Variants in DCUN1D2 observed in about 807,000 individuals in gnomAD.
The protein encoded by DCUN1D2 is defective in cullin neddylation 1 domain containing 2, also known as DCN1-like protein 2.
In DCUN1D2, 29 loss-of-function variants were observed where a neutral mutation model predicts 30.9. The ratio of observed to expected loss-of-function variants is 0.94; its 90% CI spans 0.70 to 1.28. The LOEUF (loss-of-function observed/expected upper bound fraction) is 1.28, where lower values mean the gene tolerates loss of function less well. DCUN1D2 is among the 50% of genes most tolerant of loss of function. DCUN1D2 has a pLI of 0.00. For synonymous variants in DCUN1D2, 121 were observed against 115.3 expected, an observed-to-expected ratio of 1.05 and a Z score of -0.32; for missense variants, 325 against 316.9, an observed-to-expected ratio of 1.03 and a Z score of -0.19.
chr13:113,458,581 C>T lies in DCUN1D2; in HGVS notation c.701-473G>A, dbSNP rs1410696522. Among the ~76,000 whole-genome samples, 4 of 152,228 alleles carry T rather than the reference C, an allele frequency of 2.6e-5. No individual in the cohort carries two copies. In the South Asian group the frequency reaches 6.2e-4, roughly 24 times the overall value. ...GCACTGCTGCCTCAATCCTGGAAGC[C>T]GCGCTTCTGTCAATGAGATTCAGTG... On this transcript the variant is annotated intron_variant, in intron 6 of 6. Transcript: ENST00000478244.
chr13:113,462,408 G>A (rs1043881685), intron 4 of DCUN1D2, among the ~76,000 whole-genome samples: 36 of 152,214 alleles, frequency 2.4e-4, no homozygotes, highest in African/African-American at 7.2e-4. Flanking sequence ...ATTAATAAAA[G>A]TTAGGTAATA....
At chr13:113,469,267 C>T (rs2044463458) in intron 4 of DCUN1D2, among the ~76,000 whole-genome samples, 1 of 152,084 alleles carries the variant, frequency 6.6e-6, no homozygotes, top group African/African-American at 2.4e-5. Flanking sequence ...AAATGAGCAA[C>T]AGAACAGCCC....
rs532648868 is a variant in DCUN1D2 at position 113,483,907 on chromosome 13, G to C, written c.153C>G (p.Leu51=). 26 of 1,613,922 alleles carry C rather than the reference G, an allele frequency of 1.6e-5. No individual in the cohort carries two copies. In the South Asian group the frequency reaches 2.7e-4, roughly 17 times the overall value. Residue 51 remains leucine (L), a synonymous_variant, in exon 2 of 7, where the codon CTC becomes CTG. Coordinates refer to ENST00000478244, the MANE Select transcript of DCUN1D2 (RefSeq NM_001014283.2). ...TDSFFQNPDS[L]HRESMRNAVD... is the part of the protein sequence containing the mutation. The stretch of plus-strand genomic sequence containing the variant: ...CAGCGTTCCGCATGGACTCCCTGTG[G>C]AGCGAGTCTGGGTTTTGGAAGAAGC...
chr13:113,489,541 A>C (rs147031064), intron 1 of DCUN1D2, among the ~76,000 whole-genome samples: 68 of 151,998 alleles, frequency 4.5e-4, no homozygotes, highest in Non-Finnish European at 9.1e-4. Flanking sequence ...TTCTCCTACC[A>C]GCCCCCTCTC....
At chr13:113,460,500 G>A (rs1168212714) in intron 5 of DCUN1D2, among the ~76,000 whole-genome samples, 2 of 152,262 alleles carry the variant, frequency 1.3e-5, no homozygotes, top group South Asian at 2.1e-4. Context: ...GGGCTGGCAT[G>A]ACGCAGCCTT....
rs775846408 is a variant in DCUN1D2, at chr13:113,461,078, T to C, written c.579A>G (p.Leu193=). The C allele has an allele frequency of 3.7e-6, 6 of 1,610,400 alleles. No homozygotes were observed. The highest frequency in any genetic ancestry group is 4.5e-5 in the East Asian group (2 of 44,826). The stretch of plus-strand genomic sequence containing the variant: ...CCATTAAGAATGTGTTCCAGAGATC[T>C]AAAAATTTAAACCTTCCAGATAACA... The part of the protein sequence containing the change: ...KLVLSGRFKF[L]DLWNTFLMEH... Residue 193 remains leucine, a synonymous_variant, in exon 5 of 7, where the codon TTA becomes TTG. Transcript: ENST00000478244.
chr13:113,468,665 G>A (rs2044449668), intron 4 of DCUN1D2, among the ~76,000 whole-genome samples: 1 of 152,016 alleles, frequency 6.6e-6, no homozygotes, highest in Non-Finnish European at 1.5e-5. Flanking sequence ...GGGGGCGGGG[G>A]AGGGCCCTGG....
chr13:113,467,239 C>G (rs930115911), intron 4 of DCUN1D2, among the ~76,000 whole-genome samples: 3 of 152,056 alleles, frequency 2.0e-5, no homozygotes, highest in Admixed American at 6.5e-5. Context: ...CAGAGGAGCC[C>G]GTTTACTGTA....
rs185215240 is a variant in DCUN1D2 at position 113,486,697 on chromosome 13, C to T, written c.4-2641G>A. Among the ~76,000 whole-genome samples the T allele has an allele frequency of 2.1e-4, 32 of 152,296 alleles. 1 individual carries two copies. The East Asian group carries it at 5.8e-3, about 28-fold the overall frequency. ...CAGGAAAACATATATGGCCCTCACA[C>T]GTGCAGGCAGCTTTGCATAAAATTT... On this transcript the variant is annotated intron_variant, in intron 1 of 6. Transcript: ENST00000478244.
At position 113,459,782 on chromosome 13, in the gene DCUN1D2, CAT is replaced by C. The variant is rs146126080; in HGVS notation, c.604-376_604-375del. 3.6e-3 allele frequency among the ~76,000 whole-genome samples: 542 copies of C among 152,346 alleles called. 3 individuals carry two copies. The highest frequency in any genetic ancestry group is 6.1e-3 in the African/African-American group (254 of 41,578). The stretch of plus-strand genomic sequence containing the variant: ...AAACATTAACTGCTATCAAATTACA[CAT>C]AGTTTTCTGCAACTTGTTTTTTTCC... On this transcript the variant is annotated intron_variant, in intron 5 of 6. Coordinates refer to ENST00000478244, the MANE Select transcript of DCUN1D2 (RefSeq NM_001014283.2).
chr13:113,459,195 G>A, intron 6 of DCUN1D2, 117 bp downstream of exon 6: 1 of 644,358 alleles, frequency 1.6e-6, no homozygotes, highest in African/African-American at 1.8e-5. Context: ...TAAGGAAGGG[G>A]GTAGTATTAT....
rs1282128518 is a variant in DCUN1D2 at position 113,490,251 on chromosome 13, GC to G, written c.3+415del. Among the ~76,000 whole-genome samples the G allele has an allele frequency of 1.3e-5, 2 of 152,050 alleles. No homozygotes were observed. The highest frequency in any genetic ancestry group is 6.5e-5 in the Admixed American group (1 of 15,284). ...TGAGCTTCTCGCGGATTCCTTCCTT[GC>G]GCTGTTTTGGTCAACAGCCTCAGCA... On this transcript the variant is annotated intron_variant, in intron 1 of 6. Transcript: ENST00000478244. The surrounding 1 kb of genome is among the most constrained non-coding windows in gnomAD (Gnocchi z 5.2).
rs187267836 is a variant in DCUN1D2, at chr13:113,480,771, G to A, written c.221-28C>T. On this transcript the variant is annotated intron_variant, in intron 2 of 6. Coordinates refer to ENST00000478244, the MANE Select transcript of DCUN1D2 (RefSeq NM_001014283.2). The stretch of plus-strand genomic sequence containing the variant: ...GTAGTTAATATCAGGGGAAAAGGAA[G>A]TTATACTATTTTGAAAAGTAATTCT... 7.7e-5 allele frequency: 124 copies of A among 1,610,662 alleles called. No homozygotes were observed. The African/African-American group carries it at 1.3e-3, about 17-fold the overall frequency.
upstream of DCUN1D2, chr13:113,490,716 G>A: frequency 1.7e-6 from 2 of 1,190,874 alleles, no homozygotes; most frequent in Non-Finnish European, 2.1e-6. This position sits in a 1 kb window ranked among gnomAD's most constrained non-coding sequence, Gnocchi z 5.2. Context: ...TTCTGCGCAG[G>A]CGCGGCGGCG....
chr13:113,460,949 G>C, intron 5 of DCUN1D2, 105 bp downstream of exon 5: 1 of 684,310 alleles, frequency 1.5e-6, no homozygotes. Flanking sequence ...TTCATCTGCT[G>C]AAAACCTCCA....
chr13:113,478,680 A>G (rs574181061), intron 3 of DCUN1D2, among the ~76,000 whole-genome samples: 1 of 152,190 alleles, frequency 6.6e-6, no homozygotes, highest in Admixed American at 6.5e-5. Flanking sequence ...TCTAATTTCC[A>G]TTGTAATTTC....
rs2044929723 is a variant in DCUN1D2, at chr13:113,490,351, G to A, written c.3+316C>T. 1 of 266,622 alleles carries A rather than the reference G, an allele frequency of 3.8e-6. No individual in the cohort carries two copies. The highest frequency in any genetic ancestry group is 7.0e-6 in the Non-Finnish European group (1 of 142,134). 16.5% of individuals were successfully genotyped at this position (266,622 alleles called of 1,614,324 possible). A position where few individuals can be genotyped will look rare whatever the true frequency, so the allele number is the denominator to read the frequency against. On this transcript the variant is annotated intron_variant, in intron 1 of 6. Coordinates refer to ENST00000478244, the MANE Select transcript of DCUN1D2 (RefSeq NM_001014283.2). The surrounding 1 kb of genome is among the most constrained non-coding windows in gnomAD (Gnocchi z 5.2). ...GCCCGTTTCGAAGCCGCCCTGGGAA[G>A]CCCCCGGCCTGGGTTCCCGCTCGGC...
chr13:113,474,630 T>C (rs557492943), intron 3 of DCUN1D2, among the ~76,000 whole-genome samples: 50 of 152,096 alleles, frequency 3.3e-4, no homozygotes, highest in African/African-American at 1.2e-3. Context: ...TCTTGAGAAG[T>C]GGAACAAGGG....
Position 113,458,264 on chromosome 13 carries a change from C to T in DCUN1D2, c.701-156G>A, listed in dbSNP as rs12586135. ...CACAGAATGAACCAGCCCAAGTTACCCAGTTCTTTCGCCCTAGCACGGCCA... is the reference window on the plus strand; with the variant it reads ...CACAGAATGAACCAGCCCAAGTTACTCAGTTCTTTCGCCCTAGCACGGCCA... On this transcript the variant is annotated intron_variant, in intron 6 of 6. Transcript: ENST00000478244. Among the ~76,000 whole-genome samples the T allele has an allele frequency of 3.1e-4, 47 of 152,282 alleles. No homozygotes were observed. In the East Asian group the frequency reaches 8.7e-3, roughly 28 times the overall value.
Sources: gnomAD v4.1 joint callset for allele counts (sites outside exome capture counted in the v4.1 genomes callset) on GRCh38, gnomAD v4.1.1 for gene constraint, Gnocchi (gnomAD v3.1) non-coding constraint, MANE v1.5 for transcripts, NCBI Gene and HGNC (gene_info 2026-07-23, HGNC 2026-07-21) for gene names.